Variants in VPS36 observed in about 807,000 individuals in gnomAD.
VPS36 encodes the protein vacuolar protein sorting 36 homolog, also known as vacuolar protein-sorting-associated protein 36.
In VPS36, 31 loss-of-function variants were observed where a neutral mutation model predicts 63.5. The ratio of observed to expected loss-of-function variants is 0.49; its 90% CI spans 0.37 to 0.66. The LOEUF (loss-of-function observed/expected upper bound fraction) is 0.66, where lower values mean the gene tolerates loss of function less well. Among genes scored for constraint, VPS36 ranks in the 30% least tolerant of loss-of-function variants. The pLI is 0.00. For missense variants in VPS36, 338 were observed against 463.7 expected (o/e 0.73, Z 2.49); for synonymous variants, 138 against 157.2 (o/e 0.88, Z 0.91).
intron 11 of VPS36, among the ~76,000 whole-genome samples, chr13:52,417,706 A>G (rs1390618058): frequency 6.6e-6 from 1 of 152,180 alleles, no homozygotes; most frequent in Non-Finnish European, 1.5e-5. Context: ...TAATATTCAC[A>G]GCTGAACATC....
intron 1 of VPS36, among the ~76,000 whole-genome samples, chr13:52,449,752 T>C (rs764546986): frequency 6.6e-6 from 1 of 152,272 alleles, no homozygotes; most frequent in South Asian, 2.1e-4. Context: ...TTACACTTCC[T>C]ATTTCTCCTC....
chr13:52,434,872 C>A lies in VPS36; in HGVS notation c.362G>T (p.Arg121Leu). Residue 121 changes from arginine to leucine, a missense_variant, in exon 5 of 14, where the codon CGT becomes CTT. Physicochemically the swap from Arg to Leu is moderately radical, Grantham distance 102. Transcript: ENST00000378060. Reference sequence around the variant, plus strand: ...TCTTTGTGTCATTTCCTCTGATAAACGCCTGTAAAACTGATACGCAAATAA... The same window carrying A: ...TCTTTGTGTCATTTCCTCTGATAAAAGCCTGTAAAACTGATACGCAAATAA... ...KEHGQIEFYR[R>L]LSEEMTQRRW... is the part of the protein sequence containing the mutation. 1 of 1,613,708 alleles carries A rather than the reference C, an allele frequency of 6.2e-7. No homozygotes were observed. Among genetic ancestry groups the A allele is most frequent in the Non-Finnish European group, 8.5e-7 (1 of 1,179,888 alleles).
chr13:52,432,508 C>T (rs1277180328), intron 6 of VPS36, among the ~76,000 whole-genome samples: 1 of 152,160 alleles, frequency 6.6e-6, no homozygotes, highest in African/African-American at 2.4e-5. Flanking sequence ...ATAAGGGAAA[C>T]ATTTCTTTAA....
At chr13:52,424,856 T>G (rs1958082854) in intron 9 of VPS36, among the ~76,000 whole-genome samples, 1 of 151,822 alleles carries the variant, frequency 6.6e-6, no homozygotes, top group South Asian at 2.1e-4. Context: ...GGCGTGGTGG[T>G]GGGCGCCTGT....
At chr13:52,441,754 A>G (rs900475408) in intron 2 of VPS36, among the ~76,000 whole-genome samples, 1 of 150,196 alleles carries the variant, frequency 6.7e-6, no homozygotes, top group Non-Finnish European at 1.5e-5. Flanking sequence ...TCCATCTCAA[A>G]AAAAAGGGGG....
chr13:52,416,472 G>A (rs1025347286), intron 12 of VPS36, among the ~76,000 whole-genome samples: 1 of 152,098 alleles, frequency 6.6e-6, no homozygotes, highest in Non-Finnish European at 1.5e-5. Context: ...TAAAATATGT[G>A]GTAGAAATAT....
chr13:52,446,756 A>G (rs1445371824), intron 1 of VPS36, among the ~76,000 whole-genome samples: 1 of 152,164 alleles, frequency 6.6e-6, no homozygotes, highest in Non-Finnish European at 1.5e-5. Flanking sequence ...ACAGATGTTT[A>G]TGTATACATA....
At chr13:52,434,069 T>C (rs1054155372) in intron 5 of VPS36, among the ~76,000 whole-genome samples, 2 of 152,178 alleles carry the variant, frequency 1.3e-5, no homozygotes, top group African/African-American at 4.8e-5. Context: ...GGGTCTCAAA[T>C]GTACAAAAAA....
At chr13:52,432,499 T>C (rs1225808014) in intron 6 of VPS36, among the ~76,000 whole-genome samples, 2 of 152,196 alleles carry the variant, frequency 1.3e-5, no homozygotes, top group Non-Finnish European at 2.9e-5. Context: ...AAATAGTAGA[T>C]AAGGGAAACA....
chr13:52,421,863 AT>A (rs1958050742), intron 10 of VPS36, among the ~76,000 whole-genome samples: 1 of 152,016 alleles, frequency 6.6e-6, no homozygotes, highest in South Asian at 2.1e-4. Flanking sequence ...TTACATATTT[AT>A]GGGGTACAGG....
chr13:52,418,573 CAAAAAAAAAA>C (rs1201650906), intron 10 of VPS36, among the ~76,000 whole-genome samples: 6 of 31,176 alleles, frequency 1.9e-4, no homozygotes, highest in Middle Eastern at 0.028. Flanking sequence ...GACTCCATCT[CAAAAAAAAAA>C]AAAAAAAAAA....
intron 1 of VPS36, among the ~76,000 whole-genome samples, chr13:52,444,515 A>T (rs974147565): frequency 7.5e-5 from 11 of 147,510 alleles, no homozygotes; most frequent in East Asian, 1.9e-4. Context: ...TATGTATAAA[A>T]ATATATATAT....
chr13:52,425,180 G>C (rs1320332637), intron 9 of VPS36, among the ~76,000 whole-genome samples: 1 of 150,132 alleles, frequency 6.7e-6, no homozygotes, highest in Non-Finnish European at 1.5e-5. Context: ...GTGAACCTGG[G>C]AGGCGGAGCT....
In VPS36 at chr13:52,439,972, CAT is replaced by C. The variant is rs1193216279; in HGVS notation, c.166-806_166-805del. Among the ~76,000 whole-genome samples, 6 of 151,670 alleles carry C rather than the reference CAT, an allele frequency of 4.0e-5. No individual in the cohort carries two copies. The South Asian group carries it at 1.2e-3, about 32-fold the overall frequency. On this transcript the variant is annotated intron_variant, in intron 2 of 13. Coordinates refer to ENST00000378060, the MANE Select transcript of VPS36 (RefSeq NM_016075.4). The stretch of plus-strand genomic sequence containing the variant: ...AATATTGATGTAGTATCCCTTTATT[CAT>C]ATGTTTAATTTTTTTTTTTTTTGAG...
At chr13:52,418,573 C>CAAAAAAAAAAAAAAAAAAAA (rs1201650906) in intron 10 of VPS36, among the ~76,000 whole-genome samples, 2 of 31,158 alleles carry the variant, frequency 6.4e-5, no homozygotes, top group Non-Finnish European at 6.9e-5. Flanking sequence ...GACTCCATCT[C>CAAAAAAAAAAAAAAAAAAAA]AAAAAAAAAA....
At chr13:52,448,111 C>A (rs1354846717) in intron 1 of VPS36, among the ~76,000 whole-genome samples, 1 of 152,170 alleles carries the variant, frequency 6.6e-6, no homozygotes, top group Non-Finnish European at 1.5e-5. Flanking sequence ...ATGAGCAAGG[C>A]ACACCTTCTG....
At position 52,417,252 on chromosome 13, in the gene VPS36, T is replaced by C. The variant is rs1033732690; in HGVS notation, c.906-111A>G. The C allele has an allele frequency of 2.9e-5, 23 of 805,960 alleles. No individual in the cohort carries two copies. The East Asian group carries it at 2.9e-4, about 10-fold the overall frequency. The allele number at this position is 805,960 out of a possible 1,614,324, so 49.9% of individuals were successfully genotyped here. A position where few individuals can be genotyped will look rare whatever the true frequency, so the allele number is the denominator to read the frequency against. On this transcript the variant is annotated intron_variant, in intron 11 of 13. Transcript: ENST00000378060. The stretch of plus-strand genomic sequence containing the variant: ...TTATGCCCAGATATGAGGGCAATAT[T>C]AAACAAAACAACATTTAAAACATAT...
In VPS36 at chr13:52,423,736, A is replaced by C. The variant is rs1165184833; in HGVS notation, c.775-97T>G. 5.1e-6 allele frequency: 6 copies of C among 1,182,668 alleles called. No homozygotes were observed. In the African/African-American group the frequency reaches 9.3e-5, roughly 18 times the overall value. The allele number at this position is 1,182,668 out of a possible 1,614,324, so 73.3% of individuals were successfully genotyped here. ...CATAATCACAGTGAAATCAGAAATC[A>C]GAAAAATTTTTAAGAAGCTTATAAA... is the stretch of plus-strand genomic sequence containing the variant. On this transcript the variant is annotated intron_variant, in intron 9 of 13. Transcript: ENST00000378060.
chr13:52,416,012 C>G lies in VPS36; in HGVS notation c.1067+5G>C. ...ATTGTAATGAAAGGTAAGAACCTTACTTACCTTTCTTTGGCTAGGAGGACA... is the reference window on the plus strand; with the variant it reads ...ATTGTAATGAAAGGTAAGAACCTTAGTTACCTTTCTTTGGCTAGGAGGACA... On this transcript the variant is annotated splice_donor_5th_base_variant and intron_variant, in intron 13 of 13. Transcript: ENST00000378060. The G allele has an allele frequency of 6.2e-7, 1 of 1,613,934 alleles. No individual in the cohort carries two copies. The highest frequency in any genetic ancestry group is 8.5e-7 in the Non-Finnish European group (1 of 1,179,958).
Sources: gnomAD v4.1 joint callset for allele counts (sites outside exome capture counted in the v4.1 genomes callset) on GRCh38, gnomAD v4.1.1 for gene constraint, MANE v1.5 for transcripts, NCBI Gene and HGNC (gene_info 2026-07-23, HGNC 2026-07-21) for gene names.